ATOSA: variants seen among roughly 807,000 people sequenced by gnomAD.
ATOSA encodes atos homolog protein A.
At chr15:52,704,539 CA>C in the ATOSA span, among the ~76,000 whole-genome samples, 113 of 152,134 alleles carry the variant, frequency 7.4e-4, no homozygotes, top group Middle Eastern at 3.4e-3. Context: ...TTCTGCACAG[CA>C]AAAGAAACTA....
At chr15:52,681,190 T>C in the ATOSA span, among the ~76,000 whole-genome samples, 1 of 152,228 alleles carries the variant, frequency 6.6e-6, no homozygotes, top group African/African-American at 2.4e-5. Flanking sequence ...AAATTTAGAA[T>C]CTTAAACCTG....
chr15:52,659,569 T>A, the ATOSA span, among the ~76,000 whole-genome samples: 1 of 152,242 alleles, frequency 6.6e-6, no homozygotes, highest in African/African-American at 2.4e-5. Context: ...GTCAATCCCT[T>A]GATTTCATAC....
At chr15:52,609,011 T>C in the ATOSA span, 1 of 1,613,296 alleles carries the variant, frequency 6.2e-7, no homozygotes, top group South Asian at 1.1e-5. Context: ...TCAATTCCAT[T>C]GCTCATTTCT....
chr15:52,651,910 G>A, the ATOSA span: 1 of 1,535,198 alleles, frequency 6.5e-7, no homozygotes, highest in Non-Finnish European at 8.7e-7. Flanking sequence ...AAACCATACT[G>A]GAATCCTTGT....
chr15:52,709,046 C>T, the ATOSA span, among the ~76,000 whole-genome samples: 1 of 151,984 alleles, frequency 6.6e-6, no homozygotes, highest in Non-Finnish European at 1.5e-5. Flanking sequence ...TGGGAGAGTA[C>T]TCCCTGTCTG....
the ATOSA span, chr15:52,601,013 ATTAT>A: frequency 1.1e-6 from 1 of 883,822 alleles, no homozygotes; most frequent in Non-Finnish European, 1.8e-6. Context: ...TAGAATCAAC[ATTAT>A]TTATTGTTAA....
At chr15:52,637,650 A>T in the ATOSA span, among the ~76,000 whole-genome samples, 5 of 152,182 alleles carry the variant, frequency 3.3e-5, no homozygotes, top group African/African-American at 1.2e-4. Flanking sequence ...AATTCTATAA[A>T]ATGTAAATAT....
the ATOSA span, chr15:52,648,820 T>C: frequency 6.6e-6 from 1 of 152,156 alleles, no homozygotes; most frequent in Admixed American, 6.5e-5. Context: ...CTATCTTGAC[T>C]ACTTCCTCAA....
the ATOSA span, among the ~76,000 whole-genome samples, chr15:52,651,153 C>G: frequency 4.6e-5 from 7 of 152,146 alleles, no homozygotes; most frequent in Non-Finnish European, 7.4e-5. Context: ...AGGAGGCCTA[C>G]TTCAATTTTA....
At chr15:52,668,264 G>T in the ATOSA span, among the ~76,000 whole-genome samples, 2 of 152,134 alleles carry the variant, frequency 1.3e-5, no homozygotes, top group Non-Finnish European at 2.9e-5. Context: ...CAACATAAAT[G>T]AACCTGGAGG....
the ATOSA span, chr15:52,609,303 C>G: frequency 9.3e-6 from 15 of 1,613,986 alleles, no homozygotes; most frequent in South Asian, 1.5e-4. Flanking sequence ...AAACTGAGGA[C>G]TCATCCTTAT....
At chr15:52,659,602 A>G in the ATOSA span, among the ~76,000 whole-genome samples, 1 of 152,328 alleles carries the variant, frequency 6.6e-6, no homozygotes, top group East Asian at 1.9e-4. Context: ...AAATTACAAA[A>G]TATTAGATGC....
the ATOSA span, chr15:52,613,601 TA>T: frequency 1.4e-6 from 2 of 1,424,246 alleles, no homozygotes; most frequent in Admixed American, 2.3e-5. Flanking sequence ...ATAACTGTAA[TA>T]AAATAAAGGT....
chr15:52,617,785 C>CAAGT, the ATOSA span, among the ~76,000 whole-genome samples: 2 of 30,218 alleles, frequency 6.6e-5, no homozygotes, highest in Non-Finnish European at 1.6e-4. Context: ...TTATTATATA[C>CAAGT]AAATAATTTA....
the ATOSA span, among the ~76,000 whole-genome samples, chr15:52,647,133 A>G: frequency 6.6e-6 from 1 of 152,214 alleles, no homozygotes; most frequent in Non-Finnish European, 1.5e-5. Context: ...ACAGTGATAA[A>G]ATGGAGTATA....
the ATOSA span, chr15:52,587,769 A>T: frequency 2.0e-5 from 3 of 152,294 alleles, no homozygotes; most frequent in Non-Finnish European, 4.4e-5. Flanking sequence ...GAGATGTTTA[A>T]GACAAAAAGT....
chr15:52,653,429 A>G, the ATOSA span, among the ~76,000 whole-genome samples: 1 of 152,160 alleles, frequency 6.6e-6, no homozygotes, highest in African/African-American at 2.4e-5. Context: ...TCATTAAAGA[A>G]TCTGATCACC....
chr15:52,692,608 C>A, the ATOSA span, among the ~76,000 whole-genome samples: 1 of 152,156 alleles, frequency 6.6e-6, no homozygotes, highest in African/African-American at 2.4e-5. Flanking sequence ...CCTGCTTTGG[C>A]CTCCCAAAGT....
At chr15:52,591,097 T>C in the ATOSA span, among the ~76,000 whole-genome samples, 20 of 152,356 alleles carry the variant, frequency 1.3e-4, no homozygotes, top group African/African-American at 4.8e-4. Flanking sequence ...ATAGTTCAAG[T>C]TACCTCTTGC....
Sources: gnomAD v4.1 joint callset for allele counts (sites outside exome capture counted in the v4.1 genomes callset) on GRCh38, gnomAD v4.1.1 for gene constraint, MANE v1.5 for transcripts, NCBI Gene and HGNC (gene_info 2026-07-23, HGNC 2026-07-21) for gene names.